The following CCNT2 variants were observed in gnomAD, a reference collection of about 807,000 sequenced individuals.
The protein encoded by CCNT2 is cyclin T2.
Under a neutral mutation model 70.0 loss-of-function variants are expected in CCNT2, and 18 were observed. The ratio of observed to expected loss-of-function variants is 0.26; its 90% CI spans 0.18 to 0.38. CCNT2 has a LOEUF of 0.38. Ranked by LOEUF, CCNT2 falls within the 10% of genes least tolerant of loss-of-function variation. CCNT2 has a pLI of 1.00. For synonymous variants in CCNT2, 334 were observed against 313.3 expected (o/e 1.07, Z -0.70); for missense variants, 734 against 890.2 (o/e 0.82, Z 2.23).
chr2:134,930,327 A>G (rs1170214748), intron 2 of CCNT2, among the ~76,000 whole-genome samples: 2 of 152,200 alleles, frequency 1.3e-5, no homozygotes, highest in Non-Finnish European at 2.9e-5. Context: ...TTTTTACTGC[A>G]GAGTAATTAA....
chr2:134,946,339 T>C (rs2105071899), intron 6 of CCNT2, 193 bp downstream of exon 6: 2 of 1,207,470 alleles, frequency 1.7e-6, no homozygotes, highest in East Asian at 5.2e-5. Flanking sequence ...ATGCACAATG[T>C]GAAGTGTAGT....
rs560394958 is a variant in CCNT2 at position 134,924,745 on chromosome 2, G to A, written c.240+4854G>A. Among the ~76,000 whole-genome samples, 10 of 152,178 alleles carry A rather than the reference G, an allele frequency of 6.6e-5. No homozygotes were observed. The South Asian group carries it at 8.3e-4, about 13-fold the overall frequency. On this transcript the variant is annotated intron_variant, in intron 2 of 8. Coordinates refer to ENST00000264157, the MANE Select transcript of CCNT2 (RefSeq NM_058241.3). ...ATTACAGGCGTTAGCCACCTCGCCCGGCCCCAGTATTCTTACTCTAATCAC... is the reference window on the plus strand; with the variant it reads ...ATTACAGGCGTTAGCCACCTCGCCCAGCCCCAGTATTCTTACTCTAATCAC...
intron 7 of CCNT2, among the ~76,000 whole-genome samples, chr2:134,950,394 G>A (rs73959226): frequency 6.6e-6 from 1 of 152,178 alleles, no homozygotes; most frequent in Non-Finnish European, 1.5e-5. Context: ...ACATGAAGGT[G>A]TGGCCGGGTG....
At position 134,954,793 on chromosome 2, in the gene CCNT2, G is replaced by C. The variant is rs908985166; in HGVS notation, c.*145G>C. 2 of 601,444 alleles carry C rather than the reference G, an allele frequency of 3.3e-6. No individual in the cohort carries two copies. Among genetic ancestry groups the C allele is most frequent in the Non-Finnish European group, 3.0e-6 (1 of 338,530 alleles). 37.3% of individuals were successfully genotyped at this position (601,444 alleles called of 1,614,324 possible). A position where few individuals can be genotyped will look rare whatever the true frequency, so the allele number is the denominator to read the frequency against. On this transcript the variant is annotated 3_prime_UTR_variant, in exon 9 of 9. Coordinates refer to ENST00000264157, the MANE Select transcript of CCNT2 (RefSeq NM_058241.3). ...TAAGTGCTGCTTTATTCTTCATTCT[G>C]AAAAGAAGAGATTATAGTAAACAAG...
intron 2 of CCNT2, among the ~76,000 whole-genome samples, chr2:134,929,798 G>A (rs1391637449): frequency 6.6e-6 from 1 of 151,364 alleles, no homozygotes; most frequent in Non-Finnish European, 1.5e-5. Flanking sequence ...TTACAGGCAT[G>A]CACCACCATG....
At chr2:134,952,929 A>G (rs530191070) in intron 8 of CCNT2, 189 of 495,730 alleles carry the variant, frequency 3.8e-4, no homozygotes, top group African/African-American at 3.4e-3. Context: ...GATTATGACA[A>G]AAGTATCCTC....
intron 6 of CCNT2, 92 bp downstream of exon 6, chr2:134,946,238 G>A (rs1287215976): frequency 1.4e-6 from 2 of 1,449,684 alleles, no homozygotes; most frequent in African/African-American, 2.8e-5. Flanking sequence ...TACCCTTGTT[G>A]CGACAGGAGA....
intron 5 of CCNT2, chr2:134,945,667 A>G (rs1681902891): frequency 1.6e-6 from 2 of 1,229,670 alleles, no homozygotes; most frequent in East Asian, 5.6e-5. Context: ...TTTGTTTTTG[A>G]TGGAAGTATT....
chr2:134,947,154 T>C (rs1212607229), intron 6 of CCNT2, among the ~76,000 whole-genome samples: 1 of 152,186 alleles, frequency 6.6e-6, no homozygotes, highest in African/African-American at 2.4e-5. Context: ...TTAATAACAT[T>C]GAGCCTTGAA....
At chr2:134,952,907 A>G (rs979852299) in intron 8 of CCNT2, 196 bp downstream of exon 8, 16 of 495,506 alleles carry the variant, frequency 3.2e-5, no homozygotes, top group African/African-American at 3.2e-4. Flanking sequence ...CTTTTAAAAA[A>G]TTTTTTGCAG....
chr2:134,954,526 C>A lies in CCNT2; in HGVS notation c.2071C>A (p.Pro691Thr). ...CACCCTCGTGAAACTGGACAAGAAGCCAGTGGAGACCAACGGTCCTGATGC... is the reference window on the plus strand; with the variant it reads ...CACCCTCGTGAAACTGGACAAGAAGACAGTGGAGACCAACGGTCCTGATGC... ...LSTLVKLDKKPVETNGPDANH... is the reference protein window; with the variant it reads ...LSTLVKLDKKTVETNGPDANH... Residue 691 changes from proline (P) to threonine (T), a missense_variant, in exon 9 of 9, where the codon CCA (proline) becomes ACA (threonine). Physicochemically the swap from Pro to Thr is conservative, Grantham distance 38 (BLOSUM62 -1). Coordinates refer to ENST00000264157, the MANE Select transcript of CCNT2 (RefSeq NM_058241.3). 6.2e-7 allele frequency: 1 copy of A among 1,614,028 alleles called. No homozygotes were observed. The highest frequency in any genetic ancestry group is 1.1e-5 in the South Asian group (1 of 91,076).
chr2:134,920,861 G>A (rs1679847490), intron 2 of CCNT2, among the ~76,000 whole-genome samples: 1 of 152,204 alleles, frequency 6.6e-6, no homozygotes, highest in South Asian at 2.1e-4. Flanking sequence ...GAAATGGAAG[G>A]AAAGGCTTCA....
chr2:134,921,728 C>A (rs552092449), intron 2 of CCNT2, among the ~76,000 whole-genome samples: 1 of 152,296 alleles, frequency 6.6e-6, no homozygotes, highest in African/African-American at 2.4e-5. Flanking sequence ...ACAACAAATA[C>A]CCTGCTTAAA....
At chr2:134,923,770 T>C (rs1559088123) in intron 2 of CCNT2, among the ~76,000 whole-genome samples, 1 of 152,230 alleles carries the variant, frequency 6.6e-6, no homozygotes, top group East Asian at 1.9e-4. Context: ...TTGTCCGAAA[T>C]TAAAACTATT....
chr2:134,957,799 T>C lies in CCNT2; in HGVS notation c.*3151T>C, dbSNP rs1461583755. ...AGATTCCTTCTGGTTAAAGTTCTTA[T>C]TCAGAGTCATCTAAAAGAAATTTCT... is the stretch of plus-strand genomic sequence containing the variant. On this transcript the variant is annotated 3_prime_UTR_variant, in exon 9 of 9. Coordinates refer to ENST00000264157, the MANE Select transcript of CCNT2 (RefSeq NM_058241.3). 1 of 152,226 alleles carries C rather than the reference T, an allele frequency of 6.6e-6. No homozygotes were observed. The highest frequency in any genetic ancestry group is 2.4e-5 in the African/African-American group (1 of 41,462). The allele number at this position is 152,226 out of a possible 1,614,324, so 9.4% of individuals were successfully genotyped here.
chr2:134,938,952 A>G, intron 3 of CCNT2, 50 bp from the exon 4 acceptor site: 2 of 1,144,918 alleles, frequency 1.7e-6, no homozygotes, highest in Non-Finnish European at 1.3e-6. Flanking sequence ...CATGCAGTCT[A>G]GTAATGTTAT....
intron 2 of CCNT2, among the ~76,000 whole-genome samples, chr2:134,930,462 C>A (rs1208957668): frequency 6.6e-6 from 1 of 152,176 alleles, no homozygotes; most frequent in Non-Finnish European, 1.5e-5. Flanking sequence ...TATGAACATT[C>A]ATGTACAAGT....
intron 7 of CCNT2, 61 bp downstream of exon 7, chr2:134,947,960 G>A: frequency 1.0e-6 from 1 of 999,362 alleles, no homozygotes; most frequent in Non-Finnish European, 1.4e-6. Flanking sequence ...TGTCTGAATT[G>A]ACAATAGAAA....
At position 134,923,765 on chromosome 2, in the gene CCNT2, C is replaced by T. The variant is rs143757165; in HGVS notation, c.240+3874C>T. Among the ~76,000 whole-genome samples the T allele has an allele frequency of 1.1e-3, 172 of 152,240 alleles. 5 individuals carry two copies. In the Middle Eastern group the frequency reaches 0.041, roughly 36 times the overall value. On this transcript the variant is annotated intron_variant, in intron 2 of 8. Transcript: ENST00000264157. The stretch of plus-strand genomic sequence containing the variant: ...AGACGCAGTTACCAAGTGACTTGTC[C>T]GAAATTAAAACTATTACGTGGCTGG...
Sources: allele counts gnomAD v4.1 joint callset (sites outside exome capture counted in the v4.1 genomes callset), GRCh38; gene constraint gnomAD v4.1.1; transcripts MANE v1.5; gene names NCBI Gene and HGNC (gene_info 2026-07-23, HGNC 2026-07-21).